Variants in RGS12 observed in about 807,000 individuals in gnomAD.
RGS12 encodes the protein regulator of G-protein signaling 12.
Under a neutral mutation model 120.1 loss-of-function variants are expected in RGS12, and 66 were observed. That is an observed-to-expected ratio of 0.55 (90% CI 0.45 to 0.67). The LOEUF (loss-of-function observed/expected upper bound fraction) is 0.67, where lower values mean the gene tolerates loss of function less well. Ranked by LOEUF, RGS12 falls within the 30% of genes least tolerant of loss-of-function variation. The pLI is 0.00. For synonymous variants in RGS12, 827 were observed against 804.7 expected (o/e 1.03, Z -0.47); for missense variants, 1,859 against 1,957.7 (o/e 0.95, Z 0.95).
chr4:3,315,469 A>G (rs149428700), intron 1 of RGS12, among the ~76,000 whole-genome samples: 4 of 152,322 alleles, frequency 2.6e-5, no homozygotes, highest in Non-Finnish European at 4.4e-5. Flanking sequence ...GTTTCAGGCT[A>G]ATACGTTTTC....
chr4:3,435,495 C>T (rs1724718457), intron 17 of RGS12, among the ~76,000 whole-genome samples: 1 of 152,040 alleles, frequency 6.6e-6, no homozygotes, highest in South Asian at 2.1e-4. Flanking sequence ...CTGAGGGCAT[C>T]TGCTAGGTGC....
rs3135067 is a variant in RGS12 at position 3,293,967 on chromosome 4, G to A, written c.-102+868G>A. ...GACAGAGAAGGGGCCCAGAGCCATG[G>A]AGTGTAGACAGTGGAGGGTGAACAC... is the stretch of plus-strand genomic sequence containing the variant. On this transcript the variant is annotated intron_variant, in intron 1 of 17. Transcript: ENST00000336727. Among the ~76,000 whole-genome samples the A allele has an allele frequency of 1.0e-3, 130 of 129,444 alleles. 4 individuals are homozygous for A. The highest frequency in any genetic ancestry group is 1.2e-3 in the Admixed American group (16 of 13,228). The allele number at this position is 129,444 out of a possible 152,430, so 84.9% of individuals were successfully genotyped here.
intron 4 of RGS12, among the ~76,000 whole-genome samples, chr4:3,409,878 C>T (rs762881880): frequency 1.3e-5 from 2 of 152,206 alleles, no homozygotes; most frequent in Non-Finnish European, 2.9e-5. Flanking sequence ...GCCTAGGCAG[C>T]CTCCAGGCCA....
At chr4:3,437,605 T>A (rs1724935944) in intron 17 of RGS12, among the ~76,000 whole-genome samples, 1 of 152,136 alleles carries the variant, frequency 6.6e-6, no homozygotes, top group Admixed American at 6.5e-5. Flanking sequence ...CAGGGCTAGC[T>A]CCTAGCCCTG....
chr4:3,342,943 A>C lies in RGS12; in HGVS notation c.1888A>C (p.Lys630Gln). 2 of 1,613,366 alleles carry C rather than the reference A, an allele frequency of 1.2e-6. No homozygotes were observed. The highest frequency in any genetic ancestry group is 1.7e-6 in the Non-Finnish European group (2 of 1,179,516). The change falls in exon 3 of 18, where the codon AAA becomes CAA. Residue 630 changes from lysine to glutamine, a missense_variant. By Grantham distance (53) the Lys-to-Gln change is moderately conservative. Coordinates refer to ENST00000336727, the MANE Select transcript of RGS12 (RefSeq NM_001394154.1). ...RKTKEDKKGS[K>Q]FGRGTGLTQP... Reference sequence around the variant, plus strand: ...CTTTTTTCTTCGTGTTTAGGGCTCAAAATTTGGGCGGGGAACTGGACTCAC... The same window carrying C: ...CTTTTTTCTTCGTGTTTAGGGCTCACAATTTGGGCGGGGAACTGGACTCAC...
At chr4:3,319,029 G>C (rs1345945952) in intron 2 of RGS12, among the ~76,000 whole-genome samples, 5 of 152,236 alleles carry the variant, frequency 3.3e-5, no homozygotes, top group Non-Finnish European at 7.3e-5. Flanking sequence ...GGCTGGGTAG[G>C]CAGGGCCGGG....
chr4:3,318,144 C>G, intron 2 of RGS12, 93 bp downstream of exon 2: 1 of 1,102,876 alleles, frequency 9.1e-7, no homozygotes, highest in Non-Finnish European at 1.3e-6. Flanking sequence ...TTGCACAGTC[C>G]TGGCTTCCTC....
chr4:3,422,374 A>G lies in RGS12; in HGVS notation c.2839-2A>G. 2 of 1,609,284 alleles carry G rather than the reference A, an allele frequency of 1.2e-6. No homozygotes were observed. The highest frequency in any genetic ancestry group is 1.7e-6 in the Non-Finnish European group (2 of 1,177,772). ...ACGGCTGCTTGTCTCGCTGCTCCCCAGTCGGAGGCCTGCAGGACTTTGGCA... is the reference window on the plus strand; with the variant it reads ...ACGGCTGCTTGTCTCGCTGCTCCCCGGTCGGAGGCCTGCAGGACTTTGGCA... On this transcript the variant is annotated splice_acceptor_variant, in intron 10 of 17. Coordinates refer to ENST00000336727, the MANE Select transcript of RGS12 (RefSeq NM_001394154.1). LOFTEE classifies it high-confidence loss of function.
chr4:3,423,482 G>C (rs1723258218), intron 12 of RGS12, 33 bp from the exon 13 acceptor site: 1 of 1,611,782 alleles, frequency 6.2e-7, no homozygotes, highest in Non-Finnish European at 8.5e-7. Flanking sequence ...GGGCTGACAT[G>C]AGTTGGTAGT....
chr4:3,322,594 AAATT>A (rs1321024380), intron 2 of RGS12, among the ~76,000 whole-genome samples: 2 of 152,152 alleles, frequency 1.3e-5, no homozygotes, highest in Non-Finnish European at 2.9e-5. Context: ...TTAATTAATT[AAATT>A]AATTAATTAA....
chr4:3,423,010 G>A (rs371017751), intron 12 of RGS12, 32 bp downstream of exon 12: 1 of 1,582,098 alleles, frequency 6.3e-7, no homozygotes, highest in African/African-American at 1.3e-5. Flanking sequence ...TTCACCTGAG[G>A]CTCCCAGAGC....
chr4:3,351,348 A>G (rs1027100608), intron 3 of RGS12, among the ~76,000 whole-genome samples: 8 of 152,154 alleles, frequency 5.3e-5, no homozygotes, highest in African/African-American at 1.9e-4. Flanking sequence ...TCTGAGCTTA[A>G]GGTTTTAACC....
intron 3 of RGS12, among the ~76,000 whole-genome samples, chr4:3,345,583 C>G (rs1001130752): frequency 6.6e-6 from 1 of 152,158 alleles, no homozygotes; most frequent in Admixed American, 6.5e-5. Flanking sequence ...TTTGAGCAAC[C>G]AGGGAGGTGT....
At chr4:3,414,370 C>A in intron 5 of RGS12, 129 bp downstream of exon 5, 1 of 1,071,270 alleles carries the variant, frequency 9.3e-7, no homozygotes, top group East Asian at 2.6e-5. Context: ...GCAGGGGTCT[C>A]CCCTCCCTGG....
chr4:3,369,883 T>C (rs1039956539), intron 3 of RGS12: 2 of 369,552 alleles, frequency 5.4e-6, no homozygotes, highest in Non-Finnish European at 7.7e-6. Context: ...AGGCTTAGAA[T>C]AGATTCATTG....
At chr4:3,438,421 TG>T (rs1056363283) in intron 17 of RGS12, among the ~76,000 whole-genome samples, 3 of 137,248 alleles carry the variant, frequency 2.2e-5, no homozygotes, top group African/African-American at 5.4e-5. Context: ...ACCGTACAGA[TG>T]GGGGGGTGGG....
At chr4:3,324,408 G>T in intron 2 of RGS12, 1 of 230,554 alleles carries the variant, frequency 4.3e-6, no homozygotes, top group Non-Finnish European at 8.6e-6. Flanking sequence ...CCCTGTGCCA[G>T]TGCTGTCTTT....
At chr4:3,348,146 A>G (rs1560104361) in intron 3 of RGS12, among the ~76,000 whole-genome samples, 1 of 152,236 alleles carries the variant, frequency 6.6e-6, no homozygotes, top group Non-Finnish European at 1.5e-5. Context: ...ATCTTGGGGA[A>G]GCCCATCAAA....
intron 3 of RGS12, among the ~76,000 whole-genome samples, chr4:3,367,802 T>C (rs1026951998): frequency 6.6e-6 from 1 of 152,048 alleles, no homozygotes; most frequent in Admixed American, 6.5e-5. Flanking sequence ...AAAGAGGAGA[T>C]GGGGGGAGCC....
Sources: gnomAD v4.1 joint callset for allele counts (sites outside exome capture counted in the v4.1 genomes callset) on GRCh38, gnomAD v4.1.1 for gene constraint, MANE v1.5 for transcripts, NCBI Gene and HGNC (gene_info 2026-07-23, HGNC 2026-07-21) for gene names.